The following WWC1 variants were observed in gnomAD, a reference collection of about 807,000 sequenced individuals.
WWC1 encodes WW and C2 domain containing 1, also known as protein KIBRA.
In WWC1, 55 loss-of-function variants were observed where a neutral mutation model predicts 138.4. The observed-to-expected ratio is 0.40, with a 90% CI of 0.32 to 0.50. WWC1 has a LOEUF of 0.50. Ranked by LOEUF, WWC1 falls within the 20% of genes least tolerant of loss-of-function variation. The pLI is 0.72. For synonymous variants in WWC1, 524 were observed against 564.9 expected (o/e 0.93, Z 1.03); for missense variants, 1,226 against 1,420.4 (o/e 0.86, Z 2.20).
chr5:168,362,932 C>T (rs1376215847), intron 1 of WWC1, among the ~76,000 whole-genome samples: 1 of 152,156 alleles, frequency 6.6e-6, no homozygotes, highest in African/African-American at 2.4e-5. Context: ...ATCTCCCCTC[C>T]AGCCCTCCCT....
chr5:168,441,369 C>T (rs907442679), intron 15 of WWC1, among the ~76,000 whole-genome samples: 3 of 152,026 alleles, frequency 2.0e-5, no homozygotes, highest in African/African-American at 4.8e-5. Flanking sequence ...ATGTTTAATA[C>T]CACTGAACTG....
chr5:168,303,008 G>A (rs1392420064), intron 1 of WWC1, among the ~76,000 whole-genome samples: 1 of 152,190 alleles, frequency 6.6e-6, no homozygotes, highest in Non-Finnish European at 1.5e-5. Context: ...CCCAGATGAT[G>A]ATGCTGGCTT....
chr5:168,406,085 AGAGG>A (rs1432800653), intron 5 of WWC1, 109 bp from the exon 6 acceptor site: 1 of 1,336,368 alleles, frequency 7.5e-7, no homozygotes, highest in Non-Finnish European at 1.0e-6. Context: ...TTAGCAGGAC[AGAGG>A]GAGGGGCCTT....
intron 1 of WWC1, among the ~76,000 whole-genome samples, chr5:168,365,341 C>T (rs574537785): frequency 6.6e-6 from 1 of 152,276 alleles, no homozygotes; most frequent in South Asian, 2.1e-4. Context: ...CCCGCCCAGC[C>T]AGCCCTCAGA....
chr5:168,448,600 A>G (rs1301144852), intron 17 of WWC1, among the ~76,000 whole-genome samples: 1 of 150,028 alleles, frequency 6.7e-6, no homozygotes, highest in Non-Finnish European at 1.5e-5. Context: ...ACATCATAGA[A>G]TAGTTCTCAA....
At chr5:168,417,373 T>C (rs1453675480) in intron 9 of WWC1, among the ~76,000 whole-genome samples, 1 of 152,108 alleles carries the variant, frequency 6.6e-6, no homozygotes, top group Non-Finnish European at 1.5e-5. Flanking sequence ...AAACTCGAAT[T>C]GGAGGCTCTT....
chr5:168,321,701 C>T (rs2152758932), intron 1 of WWC1, among the ~76,000 whole-genome samples: 1 of 152,182 alleles, frequency 6.6e-6, no homozygotes, highest in South Asian at 2.1e-4. Context: ...CCACGCCCGG[C>T]TAATTTTGTA....
chr5:168,430,651 C>G (rs1323737777), intron 14 of WWC1, among the ~76,000 whole-genome samples: 1 of 78,076 alleles, frequency 1.3e-5, no homozygotes, highest in Non-Finnish European at 2.1e-5. Flanking sequence ...CAACACCAGT[C>G]ACTGCTTCTC....
At chr5:168,451,391 T>G (rs1755803460) in intron 17 of WWC1, among the ~76,000 whole-genome samples, 1 of 152,108 alleles carries the variant, frequency 6.6e-6, no homozygotes, top group Non-Finnish European at 1.5e-5. Context: ...CATAAATGCA[T>G]GAAGAGTTTC....
intron 1 of WWC1, among the ~76,000 whole-genome samples, chr5:168,307,068 ATATT>A (rs912399627): frequency 1.3e-5 from 2 of 152,224 alleles, no homozygotes; most frequent in African/African-American, 4.8e-5. Context: ...ATAATTGCTA[ATATT>A]TATTACAACT....
At chr5:168,412,763 A>G (rs1004349403) in intron 8 of WWC1, among the ~76,000 whole-genome samples, 8 of 147,804 alleles carry the variant, frequency 5.4e-5, no homozygotes, top group African/African-American at 1.5e-4. Context: ...TAAATATAGT[A>G]TAACAACTAT....
chr5:168,463,545 G>A (rs562505943), intron 20 of WWC1, among the ~76,000 whole-genome samples: 2 of 152,298 alleles, frequency 1.3e-5, no homozygotes, highest in South Asian at 2.1e-4. Context: ...TACAGGGCGT[G>A]TATATTAGCA....
chr5:168,304,828 CT>C (rs71310061), intron 1 of WWC1, among the ~76,000 whole-genome samples: 5,591 of 141,462 alleles, frequency 0.04, 228 homozygotes, highest in African/African-American at 0.12. Flanking sequence ...AGCTTATGAA[CT>C]TTTTTTTTTT....
intron 1 of WWC1, among the ~76,000 whole-genome samples, chr5:168,340,041 TTTTC>T (rs1271012565): frequency 9.7e-5 from 14 of 144,684 alleles, no homozygotes; most frequent in East Asian, 2.0e-4. Context: ...CTTTCCTTTC[TTTTC>T]TTTCTTTCTT....
intron 3 of WWC1, among the ~76,000 whole-genome samples, chr5:168,395,024 G>A (rs1263597309): frequency 1.3e-5 from 2 of 152,186 alleles, no homozygotes; most frequent in African/African-American, 4.8e-5. Context: ...GCTCCTGGTG[G>A]CCTAATTGGT....
At chr5:168,442,921 A>G (rs1754914706) in intron 16 of WWC1, among the ~76,000 whole-genome samples, 1 of 152,114 alleles carries the variant, frequency 6.6e-6, no homozygotes, top group Non-Finnish European at 1.5e-5. Context: ...ATTTTAGCGC[A>G]GTACGCTTTA....
chr5:168,430,999 T>C (rs729149), intron 14 of WWC1, among the ~76,000 whole-genome samples: 27,091 of 152,232 alleles, frequency 0.18, 2,580 homozygotes, highest in South Asian at 0.36. Context: ...AGCTCACTGG[T>C]ACTCATGCAG....
chr5:168,302,718 T>C (rs1383595040), intron 1 of WWC1, among the ~76,000 whole-genome samples: 1 of 152,202 alleles, frequency 6.6e-6, no homozygotes, highest in African/African-American at 2.4e-5. Context: ...CCAGGCTCTC[T>C]GAGTCTGTTT....
At position 168,298,804 on chromosome 5, in the gene WWC1, C is replaced by T. The variant is rs542772092; in HGVS notation, c.119+6533C>T. On this transcript the variant is annotated intron_variant, in intron 1 of 22. Transcript: ENST00000265293. ...AAATTTAGAAAGGTTAAGTAACCGG[C>T]CGGGCGCAGTGGCTCACTCCTGTAA... Among the ~76,000 whole-genome samples the T allele has an allele frequency of 5.3e-5, 8 of 152,212 alleles. No homozygotes were observed. The East Asian group carries it at 1.5e-3, about 29-fold the overall frequency.
Sources: allele counts gnomAD v4.1 joint callset (sites outside exome capture counted in the v4.1 genomes callset), GRCh38; gene constraint gnomAD v4.1.1; transcripts MANE v1.5; gene names NCBI Gene and HGNC (gene_info 2026-07-23, HGNC 2026-07-21).